The following JMJD1C variants were observed in gnomAD, a reference collection of about 807,000 sequenced individuals.
JMJD1C encodes jumonji domain containing 1C.
In JMJD1C, 31 loss-of-function variants were observed where a neutral mutation model predicts 245.3. The ratio of observed to expected loss-of-function variants is 0.13; its 90% confidence interval spans 0.09 to 0.17. The LOEUF (loss-of-function observed/expected upper bound fraction) is 0.17, where lower values mean the gene tolerates loss of function less well. JMJD1C is among the 10% of genes least tolerant of loss of function. The probability of loss-of-function intolerance (pLI) is 1.00; values close to 1 mark genes in which losing one functional copy is unlikely to be tolerated. For synonymous variants in JMJD1C, 1,057 were observed against 1,017.4 expected (o/e 1.04, Z -0.74); for missense variants, 2,691 against 3,000.2 (o/e 0.90, Z 2.41).
At chr10:63,453,531 T>G (rs1468638073) in intron 1 of JMJD1C, among the ~76,000 whole-genome samples, 1 of 152,176 alleles carries the variant, frequency 6.6e-6, no homozygotes, top group Non-Finnish European at 1.5e-5. Context: ...CATTTTATAT[T>G]ACTGGAGAAA....
At chr10:63,341,971 G>A (rs1320008265) in intron 2 of JMJD1C, among the ~76,000 whole-genome samples, 2 of 152,186 alleles carry the variant, frequency 1.3e-5, no homozygotes, top group Non-Finnish European at 2.9e-5. Flanking sequence ...TGATGATGGT[G>A]AACAAATGGT....
chr10:63,249,678 G>A (rs1852773749), intron 3 of JMJD1C, among the ~76,000 whole-genome samples: 1 of 152,030 alleles, frequency 6.6e-6, no homozygotes, highest in African/African-American at 2.4e-5. Flanking sequence ...GTCCAATAAG[G>A]TGAAACCCCG....
intron 1 of JMJD1C, among the ~76,000 whole-genome samples, chr10:63,505,204 C>T (rs1346336186): frequency 1.3e-5 from 2 of 151,274 alleles, no homozygotes; most frequent in African/African-American, 2.4e-5. Context: ...GTAGTCCCAG[C>T]TACTAAGGAG....
At chr10:63,484,780 T>C (rs1953942300) in intron 1 of JMJD1C, among the ~76,000 whole-genome samples, 3 of 152,098 alleles carry the variant, frequency 2.0e-5, no homozygotes, top group Non-Finnish European at 4.4e-5. Flanking sequence ...TGAGCTTTGA[T>C]TATGAGATAT....
chr10:63,269,397 C>T (rs1856013773), intron 2 of JMJD1C: 1 of 167,138 alleles, frequency 6.0e-6, no homozygotes, highest in Admixed American at 6.5e-5. Flanking sequence ...CAGACAAAGA[C>T]AGACTAGTGG....
chr10:63,495,780 T>C (rs1324815888), intron 1 of JMJD1C, among the ~76,000 whole-genome samples: 1 of 145,906 alleles, frequency 6.9e-6, no homozygotes, highest in Non-Finnish European at 1.5e-5. Context: ...AAGAAGAAAA[T>C]TGAGAAAGGG....
intron 1 of JMJD1C, among the ~76,000 whole-genome samples, chr10:63,458,329 T>C (rs1162692500): frequency 1.3e-5 from 2 of 149,798 alleles, no homozygotes; most frequent in Non-Finnish European, 3.0e-5. Flanking sequence ...CTACAAAGAG[T>C]AAAAAAAAAT....
At chr10:63,301,691 C>A in intron 2 of JMJD1C, 1 of 443,922 alleles carries the variant, frequency 2.3e-6, no homozygotes, top group East Asian at 7.5e-5. Context: ...AGCATTAGGA[C>A]AAATACCTAA....
rs755131031 is a variant in JMJD1C, at chr10:63,168,092, C to T, written c.7576G>A (p.Ala2526Thr). The T allele has an allele frequency of 6.8e-6, 11 of 1,606,816 alleles. No homozygotes were observed. Among genetic ancestry groups the T allele is most frequent in the African/African-American group, 5.3e-5 (4 of 74,774 alleles). The change falls in exon 26 of 26, where the codon GCC becomes ACC. Residue 2526 changes from alanine to threonine, a missense_variant. Ala to Thr is a moderately conservative substitution (Grantham distance 58, BLOSUM62 0). This residue lies in a region of JMJD1C where 27 missense variants were observed against 18.4 expected (regional missense o/e 1.47). Coordinates refer to ENST00000399262, the MANE Select transcript of JMJD1C (RefSeq NM_032776.3). ...LYHAVKEMVR[A>T]LKIHEDEVED... ...ACTTCATCCTCGTGTATCTTCAAGG[C>T]TCTCACCATTTCTTTGACTGCATGA...
At chr10:63,498,096 G>A (rs1954418367) in intron 1 of JMJD1C, among the ~76,000 whole-genome samples, 1 of 152,088 alleles carries the variant, frequency 6.6e-6, no homozygotes, top group Non-Finnish European at 1.5e-5. Flanking sequence ...ATATACTACA[G>A]CAATGAAATC....
intron 2 of JMJD1C, among the ~76,000 whole-genome samples, chr10:63,284,122 T>A (rs1212008422): frequency 6.6e-6 from 1 of 151,958 alleles, no homozygotes; most frequent in Non-Finnish European, 1.5e-5. Context: ...GCCTCCTAGG[T>A]TCAAGCTATT....
At chr10:63,350,232 G>A (rs1224028129) in intron 2 of JMJD1C, among the ~76,000 whole-genome samples, 4 of 152,122 alleles carry the variant, frequency 2.6e-5, no homozygotes, top group African/African-American at 9.7e-5. Flanking sequence ...GTTTGTGAGT[G>A]GCAGATGTAG....
chr10:63,313,720 G>A (rs989717087), intron 2 of JMJD1C, among the ~76,000 whole-genome samples: 2 of 152,094 alleles, frequency 1.3e-5, no homozygotes, highest in Admixed American at 1.3e-4. Context: ...AAGTTTGTTG[G>A]CCATCTGCCA....
In JMJD1C at chr10:63,215,316, A is replaced by G; in HGVS notation, c.962T>C (p.Ile321Thr). The change falls in exon 7 of 26, where the codon ATA (isoleucine) becomes ACA (threonine). Residue 321 changes from isoleucine to threonine, a missense_variant. Physicochemically the swap from Ile to Thr is moderately conservative, Grantham distance 89. Transcript: ENST00000399262. Reference sequence around the variant, plus strand: ...CTCCTTCATCTTCTCTTCATCTGGTATACTGCTATCTGAGCCCTTCCTCTT... The same window carrying G: ...CTCCTTCATCTTCTCTTCATCTGGTGTACTGCTATCTGAGCCCTTCCTCTT... ...PNKRKGSDSS[I>T]PDEEKMKEEK... is the part of the protein sequence containing the mutation. The G allele has an allele frequency of 6.2e-7, 1 of 1,612,666 alleles. No homozygotes were observed. The highest frequency in any genetic ancestry group is 8.5e-7 in the Non-Finnish European group (1 of 1,179,838).
intron 1 of JMJD1C, among the ~76,000 whole-genome samples, chr10:63,484,730 T>C (rs149668958): frequency 0.011 from 1,736 of 152,184 alleles, 42 homozygotes; most frequent in African/African-American, 0.039. Context: ...TATATCTATC[T>C]AAAATTGATT....
chr10:63,344,829 T>C (rs1026593315), intron 2 of JMJD1C, among the ~76,000 whole-genome samples: 20 of 152,168 alleles, frequency 1.3e-4, no homozygotes, highest in African/African-American at 4.6e-4. Flanking sequence ...TACCACTACA[T>C]ATCTAACAGT....
chr10:63,265,346 C>A (rs1278786228), intron 2 of JMJD1C, among the ~76,000 whole-genome samples: 1 of 150,732 alleles, frequency 6.6e-6, no homozygotes, highest in Non-Finnish European at 1.5e-5. Context: ...AGAGAGAGTC[C>A]GGTAAGAAGT....
chr10:63,180,926 G>A (rs374110244), intron 22 of JMJD1C, among the ~76,000 whole-genome samples: 82 of 152,106 alleles, frequency 5.4e-4, no homozygotes, highest in African/African-American at 1.9e-3. Context: ...CCGCCACTAC[G>A]CCCGGCTAAT....
rs368659823 is a variant in JMJD1C, at chr10:63,178,886, T to C, written c.7085-1030A>G. Among the ~76,000 whole-genome samples, 7 of 152,312 alleles carry C rather than the reference T, an allele frequency of 4.6e-5. No homozygotes were observed. In the East Asian group the frequency reaches 7.7e-4, roughly 17 times the overall value. On this transcript the variant is annotated intron_variant, in intron 22 of 25. Coordinates refer to ENST00000399262, the MANE Select transcript of JMJD1C (RefSeq NM_032776.3). ...GGACCAGTGAACATTTAAATAAATA[T>C]TCTTTTTAAAAATTTTGTATAAATT...
Sources: gnomAD v4.1 joint callset for allele counts (sites outside exome capture counted in the v4.1 genomes callset) on GRCh38, gnomAD v4.1.1 for gene constraint, gnomAD v4.1.1 regional missense constraint, MANE v1.5 for transcripts, NCBI Gene and HGNC (gene_info 2026-07-23, HGNC 2026-07-21) for gene names.